The following EIF5 variants were observed in gnomAD, a reference collection of about 807,000 sequenced individuals.
EIF5 encodes the protein eukaryotic translation initiation factor 5.
EIF5 carries 10 observed loss-of-function variants against 48.3 expected under a neutral mutation model. That is an observed-to-expected ratio of 0.21 (90% CI 0.13 to 0.35). The LOEUF (loss-of-function observed/expected upper bound fraction) is 0.35. EIF5 is among the 10% of genes least tolerant of loss of function. The pLI is 1.00. For synonymous variants in EIF5, 237 were observed against 173.1 expected, an observed-to-expected ratio of 1.37 and a Z score of -2.90; for missense variants, 397 against 533.2, an observed-to-expected ratio of 0.74 and a Z score of 2.51.
At chr14:103,340,597 C>T in intron 11 of EIF5, 36 bp downstream of exon 11, 1 of 1,582,594 alleles carries the variant, frequency 6.3e-7, no homozygotes, top group Non-Finnish European at 8.6e-7. Flanking sequence ...GGATACAGTG[C>T]TGGCATGGGT....
Position 103,335,762 on chromosome 14 carries a change from C to A in EIF5, c.-99C>A. ...TCATGTCAGAGACCGAGAACTCTTG[C>A]AGTCGTTTATGTCATCCCTTCTTCT... On this transcript the variant is annotated 5_prime_UTR_variant, in exon 3 of 12. The change creates a premature stop within an existing upstream ORF in the 5' untranslated region. Coordinates refer to ENST00000216554, the MANE Select transcript of EIF5 (RefSeq NM_001969.5). 7.3e-7 allele frequency: 1 copy of A among 1,366,444 alleles called. No individual in the cohort carries two copies. Among genetic ancestry groups the A allele is most frequent in the Non-Finnish European group, 1.0e-6 (1 of 966,256 alleles). The allele number at this position is 1,366,444 out of a possible 1,614,324, so 84.6% of individuals were successfully genotyped here. A position where few individuals can be genotyped will look rare whatever the true frequency, so the allele number is the denominator to read the frequency against.
intron 6 of EIF5, chr14:103,338,067 A>G: frequency 1.7e-6 from 1 of 594,672 alleles, no homozygotes; most frequent in Non-Finnish European, 3.1e-6. Flanking sequence ...TAGTGGAGGC[A>G]TCATCACTTC....
Position 103,343,302 on chromosome 14 carries a change from A to G in EIF5, c.*2250A>G, listed in dbSNP as rs2089375201. ...GATGTATCCTGCAGTTACACTTGCC[A>G]GCCCCACTCACAAAAGTTGTTCATT... On this transcript the variant is annotated 3_prime_UTR_variant, in exon 12 of 12. Transcript: ENST00000216554. The G allele has an allele frequency of 6.6e-6, 1 of 152,232 alleles. No homozygotes were observed. The highest frequency in any genetic ancestry group is 6.5e-5 in the Admixed American group (1 of 15,278). The allele number at this position is 152,232 out of a possible 1,614,324, so 9.4% of individuals were successfully genotyped here.
chr14:103,336,180 C>A, intron 4 of EIF5, 63 bp downstream of exon 4: 1 of 1,493,686 alleles, frequency 6.7e-7, no homozygotes, highest in Non-Finnish European at 9.2e-7. Context: ...AGTCTTTGAG[C>A]TGCAAAACTT....
chr14:103,338,100 A>G (rs2089310395), intron 6 of EIF5: 6 of 673,494 alleles, frequency 8.9e-6, no homozygotes, highest in Non-Finnish European at 1.5e-5. Flanking sequence ...CTTAGCAGTT[A>G]CAATACCCCT....
In EIF5 at chr14:103,336,747, T is replaced by C. The variant is rs749135156; in HGVS notation, c.225T>C (p.Ile75=). The part of the protein sequence containing the change: ...TQFDVKNDRY[I]VNGSHEANKL... ...TTGATGTTAAGAATGACCGTTACAT[T>C]GTCAATGGATCTCATGAGGCGAATA... Residue 75 remains isoleucine (I), a synonymous_variant, in exon 5 of 12, where the codon ATT becomes ATC. Transcript: ENST00000216554. The C allele has an allele frequency of 2.5e-6, 4 of 1,614,038 alleles. No individual in the cohort carries two copies. The highest frequency in any genetic ancestry group is 3.4e-6 in the Non-Finnish European group (4 of 1,180,028).
At chr14:103,337,683 C>T (rs1457958961) in intron 6 of EIF5, 10 of 369,252 alleles carry the variant, frequency 2.7e-5, no homozygotes, top group Non-Finnish European at 4.2e-5. Context: ...TGTTAATTAC[C>T]ATTAAAGGTG....
Position 103,339,463 on chromosome 14 carries a change from A to G in EIF5, c.906+130A>G, listed in dbSNP as rs2089327599. On this transcript the variant is annotated intron_variant, in intron 9 of 11. Coordinates refer to ENST00000216554, the MANE Select transcript of EIF5 (RefSeq NM_001969.5). ...AATTGACCCACCTTACAAGCCTCTGAGTATCTGAAAGTGCCATACCTAGGC... is the reference window on the plus strand; with the variant it reads ...AATTGACCCACCTTACAAGCCTCTGGGTATCTGAAAGTGCCATACCTAGGC... 4.3e-6 allele frequency: 6 copies of G among 1,401,924 alleles called. No individual in the cohort carries two copies. In the South Asian group the frequency reaches 6.9e-5, roughly 16 times the overall value. 86.8% of individuals were successfully genotyped at this position (1,401,924 alleles called of 1,614,324 possible). A position where few individuals can be genotyped will look rare whatever the true frequency, so the allele number is the denominator to read the frequency against.
At chr14:103,340,350 T>C (rs183293818) in intron 10 of EIF5, 77 bp from the exon 11 acceptor site, 1 of 1,499,968 alleles carries the variant, frequency 6.7e-7, no homozygotes, top group Admixed American at 1.9e-5. Flanking sequence ...TCCCCTCAGC[T>C]CAGTAAGGGG....
Position 103,338,483 on chromosome 14 carries a change from G to C in EIF5, c.585+11G>C. The C allele has an allele frequency of 6.4e-7, 1 of 1,559,230 alleles. No individual in the cohort carries two copies. On this transcript the variant is annotated intron_variant, in intron 7 of 11. Transcript: ENST00000216554. ...CCTCCACATACAATGGTGAGTGCAGGGTTGATGGCCTAGTGGGCACTAAAG... is the reference window on the plus strand; with the variant it reads ...CCTCCACATACAATGGTGAGTGCAGCGTTGATGGCCTAGTGGGCACTAAAG...
intron 6 of EIF5, chr14:103,337,980 A>G: frequency 1.8e-6 from 1 of 543,590 alleles, no homozygotes; most frequent in South Asian, 1.4e-5. Flanking sequence ...ACAGTGTTCC[A>G]CCTGTTGGCT....
At chr14:103,339,069 A>AT in intron 8 of EIF5, 103 bp from the exon 9 acceptor site, 1 of 1,499,660 alleles carries the variant, frequency 6.7e-7, no homozygotes, top group Non-Finnish European at 8.9e-7. Flanking sequence ...CAACTGCCAA[A>AT]TTAGGCAGGA....
chr14:103,336,626 C>G (rs1434922899), intron 4 of EIF5, 51 bp from the exon 5 acceptor site: 1 of 1,524,184 alleles, frequency 6.6e-7, no homozygotes, highest in Non-Finnish European at 8.8e-7. Context: ...GAGTGAGTAG[C>G]CAGAGATCTA....
rs371511585 is a variant in EIF5 at position 103,344,971 on chromosome 14, CTT to C, written c.*3921_*3922del. The C allele has an allele frequency of 1.3e-5, 2 of 151,998 alleles. No individual in the cohort carries two copies. The highest frequency in any genetic ancestry group is 4.8e-5 in the African/African-American group (2 of 41,296). 9.4% of individuals were successfully genotyped at this position (151,998 alleles called of 1,614,324 possible). On this transcript the variant is annotated 3_prime_UTR_variant, in exon 12 of 12. Coordinates refer to ENST00000216554, the MANE Select transcript of EIF5 (RefSeq NM_001969.5). The stretch of plus-strand genomic sequence containing the variant: ...ACATACACTAACCAAAAATGTAGCT[CTT>C]TGAATCTCAGAAAAAAGTAGATTTT...
rs2089346659 is a variant in EIF5 at position 103,340,985 on chromosome 14, G to C, written c.1229G>C (p.Ser410Thr). The change falls in exon 12 of 12, where the codon AGT (serine) becomes ACT (threonine). Residue 410 changes from serine (S) to threonine (T), a missense_variant. Around this residue, in one of 4 missense-constraint regions of EIF5, gnomAD observed 160 missense variants for 184.8 expected, o/e 0.87. Coordinates refer to ENST00000216554, the MANE Select transcript of EIF5 (RefSeq NM_001969.5). ...CAGGTGGTGTATTCGAAGGCTGCCA[G>C]TGTACCGAAAGTTGAGACTGTAAAG... ...NIEVVYSKAA[S>T]VPKVETVKSD... 1 of 1,614,076 alleles carries C rather than the reference G, an allele frequency of 6.2e-7. No individual in the cohort carries two copies. The highest frequency in any genetic ancestry group is 8.5e-7 in the Non-Finnish European group (1 of 1,180,006).
At chr14:103,335,074 A>G (rs955919793) in intron 2 of EIF5, 1 of 152,226 alleles carries the variant, frequency 6.6e-6, no homozygotes, top group South Asian at 2.1e-4. Flanking sequence ...TTAACCGAGT[A>G]TTTGAATAGC....
chr14:103,338,086 C>G (rs574069166), intron 6 of EIF5: 1 of 633,350 alleles, frequency 1.6e-6, no homozygotes, highest in Non-Finnish European at 2.8e-6. Flanking sequence ...TCATCTTACT[C>G]TTTCTTAGCA....
chr14:103,338,342 G>A lies in EIF5; in HGVS notation c.455G>A (p.Gly152Asp), dbSNP rs1249237692. Reference sequence around the variant, plus strand: ...TTTTCTGTAGAGAATAGTGACAGTGGTACAGGAAAGAAAGAAAAAGAAAAG... The same window carrying A: ...TTTTCTGTAGAGAATAGTGACAGTGATACAGGAAAGAAAGAAAAAGAAAAG... The part of the protein sequence containing the change: ...LKNPPENSDS[G>D]TGKKEKEKKN... Residue 152 changes from glycine to aspartate, a missense_variant, in exon 7 of 12, where the codon GGT (glycine) becomes GAT (aspartate). Physicochemically the swap from Gly to Asp is moderately conservative, Grantham distance 94. Coordinates refer to ENST00000216554, the MANE Select transcript of EIF5 (RefSeq NM_001969.5). 2 of 1,613,762 alleles carry A rather than the reference G, an allele frequency of 1.2e-6. No homozygotes were observed. The highest frequency in any genetic ancestry group is 1.7e-6 in the Non-Finnish European group (2 of 1,179,948).
Position 103,344,156 on chromosome 14 carries a change from C to T in EIF5, c.*3104C>T, listed in dbSNP as rs954646191. ...CCATAAGTGGGGTGACAGCAAATGA[C>T]TTGCAGGTAGTCTCATTGTAGGTTT... On this transcript the variant is annotated 3_prime_UTR_variant, in exon 12 of 12. Coordinates refer to ENST00000216554, the MANE Select transcript of EIF5 (RefSeq NM_001969.5). The T allele has an allele frequency of 6.6e-6, 1 of 152,204 alleles. No homozygotes were observed. Among genetic ancestry groups the T allele is most frequent in the Non-Finnish European group, 1.5e-5 (1 of 68,054 alleles). 9.4% of individuals were successfully genotyped at this position (152,204 alleles called of 1,614,324 possible).
Sources: gnomAD v4.1 joint callset for allele counts on GRCh38, gnomAD v4.1.1 for gene constraint, gnomAD v4.1.1 regional missense constraint, MANE v1.5 for transcripts, NCBI Gene and HGNC (gene_info 2026-07-23, HGNC 2026-07-21) for gene names.